Variants in PAK1 observed in about 807,000 individuals in gnomAD.
PAK1 encodes the protein p21 (RAC1) activated kinase 1, also known as serine/threonine-protein kinase PAK 1.
PAK1 carries 29 observed loss-of-function variants against 67.4 expected under a neutral mutation model. That is an observed-to-expected ratio of 0.43 (90% CI 0.32 to 0.59). The LOEUF is 0.59. Among genes scored for constraint, PAK1 ranks in the 20% least tolerant of loss-of-function variants. The probability of loss-of-function intolerance (pLI) is 0.07; values close to 1 mark genes in which losing one functional copy is unlikely to be tolerated. For missense variants in PAK1, 337 were observed against 670.7 expected (o/e 0.50, Z 5.50); for synonymous variants, 223 against 237.4 (o/e 0.94, Z 0.56).
intron 1 of PAK1, among the ~76,000 whole-genome samples, chr11:77,463,289 A>G (rs755955008): frequency 3.3e-5 from 5 of 152,188 alleles, no homozygotes; most frequent in Non-Finnish European, 7.4e-5. Flanking sequence ...GATAAAGAAA[A>G]CACAGCAAAA....
rs1362115486 is a variant in PAK1 at position 77,423,645 on chromosome 11, T to TAA, written c.-21-31106_-21-31105dup. ...CATTAAGGAAACATTTCAGTGTTGT[T>TAA]AAGGGACAACCATTATTAGTTAAAG... is the stretch of plus-strand genomic sequence containing the variant. On this transcript the variant is annotated intron_variant, in intron 1 of 14. Transcript: ENST00000356341. Among the ~76,000 whole-genome samples the TAA allele has an allele frequency of 2.6e-5, 4 of 152,304 alleles. No individual in the cohort carries two copies. In the East Asian group the frequency reaches 7.7e-4, roughly 29 times the overall value.
intron 2 of PAK1, among the ~76,000 whole-genome samples, chr11:77,385,126 C>A (rs2729757): frequency 0.11 from 16,526 of 152,076 alleles, 2,172 homozygotes; most frequent in African/African-American, 0.3. Context: ...TTCTAAAATG[C>A]TGAAAGCTTT....
intron 5 of PAK1, among the ~76,000 whole-genome samples, chr11:77,365,425 A>T (rs937366678): frequency 2.6e-5 from 4 of 151,858 alleles, no homozygotes; most frequent in African/African-American, 9.7e-5. Context: ...AAGAAAAAAA[A>T]AAGACACAGA....
chr11:77,339,357 GT>G (rs1166910415), intron 11 of PAK1, among the ~76,000 whole-genome samples: 2 of 151,936 alleles, frequency 1.3e-5, no homozygotes, highest in South Asian at 4.1e-4. Flanking sequence ...TATTACAATG[GT>G]TTATGACCCA....
At chr11:77,395,970 A>C (rs1215558758) in intron 1 of PAK1, among the ~76,000 whole-genome samples, 4 of 152,148 alleles carry the variant, frequency 2.6e-5, no homozygotes. Flanking sequence ...GCCAGTTCCA[A>C]AATTACACTC....
chr11:77,331,606 A>AGGGGAACATCACACACCCGGGACTGTTGT (rs1941539545), intron 14 of PAK1, among the ~76,000 whole-genome samples: 2 of 152,184 alleles, frequency 1.3e-5, no homozygotes, highest in African/African-American at 4.8e-5. Flanking sequence ...GGACACAGGA[A>AGGGGAACATCACACACCCGGGACTGTTGT]GGGGAACATC....
chr11:77,368,260 T>C (rs1279031753), intron 5 of PAK1, among the ~76,000 whole-genome samples: 1 of 152,088 alleles, frequency 6.6e-6, no homozygotes, highest in Non-Finnish European at 1.5e-5. Context: ...GAAGGATAAA[T>C]AAAATGGCTT....
chr11:77,355,203 G>C (rs1945837916), intron 7 of PAK1, among the ~76,000 whole-genome samples: 1 of 152,094 alleles, frequency 6.6e-6, no homozygotes, highest in Non-Finnish European at 1.5e-5. Context: ...TATTTTGCTT[G>C]TCATTTGATA....
At chr11:77,495,822 G>C in the PAK1 span, among the ~76,000 whole-genome samples, 2 of 152,162 alleles carry the variant, frequency 1.3e-5, no homozygotes, top group African/African-American at 4.8e-5. Flanking sequence ...ACTTATATGA[G>C]ATACCTAGAG....
intron 1 of PAK1, among the ~76,000 whole-genome samples, chr11:77,453,604 T>C (rs1206736861): frequency 1.3e-5 from 2 of 151,894 alleles, no homozygotes; most frequent in Non-Finnish European, 1.5e-5. Flanking sequence ...TGAATTATAG[T>C]GCCAGGGAAG....
At chr11:77,488,482 T>C in the PAK1 span, among the ~76,000 whole-genome samples, 1 of 152,188 alleles carries the variant, frequency 6.6e-6, no homozygotes, top group South Asian at 2.1e-4. Flanking sequence ...GTAATAGAGA[T>C]ATGTGACCTT....
chr11:77,508,690 C>T, the PAK1 span, among the ~76,000 whole-genome samples: 30,044 of 140,648 alleles, frequency 0.21, 3,497 homozygotes, highest in South Asian at 0.47. Context: ...GACGGAGTCT[C>T]GCTCTGTCTC....
At position 77,430,855 on chromosome 11, in the gene PAK1, G is replaced by A. The variant is rs118096252; in HGVS notation, c.-21-38314C>T. ...ACTAATTTCAGGGGTCCCCAACTCCGAAGACCAGTACCATGGCCTGTTAGG... is the reference window on the plus strand; with the variant it reads ...ACTAATTTCAGGGGTCCCCAACTCCAAAGACCAGTACCATGGCCTGTTAGG... On this transcript the variant is annotated intron_variant, in intron 1 of 14. Coordinates refer to ENST00000356341, the MANE Select transcript of PAK1 (RefSeq NM_002576.5). 2.2e-4 allele frequency among the ~76,000 whole-genome samples: 34 copies of A among 152,236 alleles called. No individual in the cohort carries two copies. The East Asian group carries it at 6.2e-3, about 28-fold the overall frequency.
intron 5 of PAK1, among the ~76,000 whole-genome samples, chr11:77,360,319 C>A (rs1392208863): frequency 1.3e-5 from 2 of 152,172 alleles, no homozygotes; most frequent in Non-Finnish European, 1.5e-5. Flanking sequence ...GGCAATAAAT[C>A]TGTCCTCTTG....
intron 1 of PAK1, among the ~76,000 whole-genome samples, chr11:77,407,741 G>A (rs1203643820): frequency 6.6e-6 from 1 of 152,164 alleles, no homozygotes; most frequent in Admixed American, 6.5e-5. Context: ...TTAAGTAAAT[G>A]GAACAGGGAG....
chr11:77,361,172 G>A (rs1234718016), intron 5 of PAK1, among the ~76,000 whole-genome samples: 2 of 152,142 alleles, frequency 1.3e-5, no homozygotes, highest in African/African-American at 2.4e-5. Flanking sequence ...CTCCATATAG[G>A]AGCAGAGATT....
the PAK1 span, among the ~76,000 whole-genome samples, chr11:77,489,272 T>C: frequency 6.6e-6 from 1 of 152,180 alleles, no homozygotes; most frequent in Non-Finnish European, 1.5e-5. Flanking sequence ...CTGAGGGATT[T>C]CATCAACACC....
rs547144833 is a variant in PAK1, at chr11:77,435,586, C to T, written c.-22+37966G>A. 2.1e-3 allele frequency among the ~76,000 whole-genome samples: 318 copies of T among 149,068 alleles called. 3 individuals carry two copies. The highest frequency in any genetic ancestry group is 7.7e-3 in the African/African-American group (310 of 40,426). ...TCGGCTCACTGCAAGCTCCGCCTCC[C>T]GGGTTCACGCCATTCTCTTGCCTCA... On this transcript the variant is annotated intron_variant, in intron 1 of 14. Transcript: ENST00000356341.
At chr11:77,495,682 T>C in the PAK1 span, among the ~76,000 whole-genome samples, 1 of 152,188 alleles carries the variant, frequency 6.6e-6, no homozygotes, top group Non-Finnish European at 1.5e-5. Flanking sequence ...ATGTGGTATA[T>C]ACATACAATG....
Sources: gnomAD v4.1 joint callset for allele counts (sites outside exome capture counted in the v4.1 genomes callset) on GRCh38, gnomAD v4.1.1 for gene constraint, MANE v1.5 for transcripts, NCBI Gene and HGNC (gene_info 2026-07-23, HGNC 2026-07-21) for gene names.